Variants in TCF4 observed in about 807,000 individuals in gnomAD.
TCF4 encodes the protein transcription factor 4, also known as SL3-3 enhancer factor 2.
Under a neutral mutation model 82.1 loss-of-function variants are expected in TCF4, and 3 were observed. That is an observed-to-expected ratio of 0.04 (90% CI 0.02 to 0.09). The LOEUF (loss-of-function observed/expected upper bound fraction) is 0.09. TCF4 is among the 10% of genes least tolerant of loss of function. The probability of loss-of-function intolerance (pLI) is 1.00; values close to 1 mark genes in which losing one functional copy is unlikely to be tolerated. For synonymous variants in TCF4, 276 were observed against 309.6 expected (o/e 0.89, Z 1.14); for missense variants, 518 against 852.7 (o/e 0.61, Z 4.89).
intron 8 of TCF4, among the ~76,000 whole-genome samples, chr18:55,311,523 CA>C (rs1568923475): frequency 6.6e-6 from 1 of 152,208 alleles, no homozygotes; most frequent in African/African-American, 2.4e-5. Flanking sequence ...AGTCTGTCAG[CA>C]ACAAATATCC....
chr18:55,427,885 TA>T (rs1603460379), intron 5 of TCF4, among the ~76,000 whole-genome samples: 1 of 152,230 alleles, frequency 6.6e-6, no homozygotes, highest in Admixed American at 6.5e-5. Flanking sequence ...ATTCTAAGAC[TA>T]AATACTTAAC....
intron 8 of TCF4, 64 bp downstream of exon 8, chr18:55,350,295 C>T (rs770041097): frequency 7.1e-5 from 109 of 1,528,498 alleles, no homozygotes; most frequent in Non-Finnish European, 9.6e-5. Flanking sequence ...CTTCTATCTC[C>T]TTCCCATCAA....
At chr18:55,619,504 A>G (rs1056520250) in intron 2 of TCF4, among the ~76,000 whole-genome samples, 2 of 152,106 alleles carry the variant, frequency 1.3e-5, no homozygotes, top group Non-Finnish European at 2.9e-5. Context: ...TACAATGTCT[A>G]ATCTACCATT....
intron 15 of TCF4, among the ~76,000 whole-genome samples, chr18:55,248,528 A>C (rs1488377735): frequency 6.6e-6 from 1 of 152,122 alleles, no homozygotes; most frequent in African/African-American, 2.4e-5. Context: ...CTTTTTGCCA[A>C]ATATTACTGG....
chr18:55,554,623 A>G (rs2097288730), intron 3 of TCF4, among the ~76,000 whole-genome samples: 1 of 152,230 alleles, frequency 6.6e-6, no homozygotes, highest in Non-Finnish European at 1.5e-5. Context: ...GTACTCTGAA[A>G]GTTCAACAGA....
At chr18:55,416,054 G>C (rs1034223640) in intron 5 of TCF4, among the ~76,000 whole-genome samples, 1 of 152,050 alleles carries the variant, frequency 6.6e-6, no homozygotes, top group Non-Finnish European at 1.5e-5. Context: ...TGTCTATTCT[G>C]TGTCTCTATA....
At position 55,485,468 on chromosome 18, in the gene TCF4, C is replaced by G. The variant is rs142019478; in HGVS notation, c.146-21331G>C. Among the ~76,000 whole-genome samples the G allele has an allele frequency of 4.3e-3, 657 of 152,216 alleles. 7 individuals carry two copies. The highest frequency in any genetic ancestry group is 0.015 in the African/African-American group (627 of 41,542). The stretch of plus-strand genomic sequence containing the variant: ...CTGGCCACTCATTTTTGTCTAAGTC[C>G]ACAGAAGCATCATTTTCAGGAAATG... On this transcript the variant is annotated intron_variant, in intron 3 of 19. Transcript: ENST00000354452.
intron 15 of TCF4, among the ~76,000 whole-genome samples, chr18:55,241,402 A>C (rs1334943852): frequency 6.6e-6 from 1 of 152,232 alleles, no homozygotes; most frequent in African/African-American, 2.4e-5. Context: ...CAGGCTAGTA[A>C]GTAGATGGTA....
rs368256559 is a variant in TCF4, at chr18:55,233,969, T to C, written c.1486+579A>G. 4.0e-4 allele frequency among the ~76,000 whole-genome samples: 61 copies of C among 152,208 alleles called. No individual in the cohort carries two copies. The East Asian group carries it at 9.8e-3, about 25-fold the overall frequency. Reference sequence around the variant, plus strand: ...TCCTGTGGCAATGTTATCATTTTTATATTAAATGTGAAGGGACTGAGAAGA... The same window carrying C: ...TCCTGTGGCAATGTTATCATTTTTACATTAAATGTGAAGGGACTGAGAAGA... On this transcript the variant is annotated intron_variant, in intron 16 of 19. Transcript: ENST00000354452.
intron 4 of TCF4, among the ~76,000 whole-genome samples, chr18:55,461,655 AAC>A (rs1404001641): frequency 2.0e-5 from 3 of 152,178 alleles, no homozygotes; most frequent in African/African-American, 7.2e-5. Context: ...ATAAGTAATT[AAC>A]ACATAAGAAA....
chr18:55,401,667 G>C (rs1443944023), intron 6 of TCF4: 1 of 988,076 alleles, frequency 1.0e-6, no homozygotes, highest in Non-Finnish European at 1.2e-6. Context: ...TCTGTGTTCT[G>C]CACATACACA....
intron 15 of TCF4, among the ~76,000 whole-genome samples, chr18:55,236,580 C>T (rs545403796): frequency 2.6e-5 from 4 of 152,152 alleles, no homozygotes; most frequent in South Asian, 4.1e-4. Flanking sequence ...GTAACTCACT[C>T]TCTTATATAT....
At chr18:55,380,602 C>A (rs894286917) in intron 6 of TCF4, among the ~76,000 whole-genome samples, 3 of 152,136 alleles carry the variant, frequency 2.0e-5, no homozygotes, top group African/African-American at 7.2e-5. Context: ...CACAAACAAG[C>A]AGCCCAAAAC....
At chr18:55,444,420 AT>A (rs2095491553) in intron 5 of TCF4, among the ~76,000 whole-genome samples, 1 of 152,200 alleles carries the variant, frequency 6.6e-6, no homozygotes, top group South Asian at 2.1e-4. Flanking sequence ...ACAGCAGAGG[AT>A]GGTGACCGGG....
intron 15 of TCF4, among the ~76,000 whole-genome samples, chr18:55,240,687 C>G (rs2050941984): frequency 6.6e-6 from 1 of 152,162 alleles, no homozygotes. Flanking sequence ...CTAATAACCA[C>G]CTGTTGTGGG....
intron 5 of TCF4, among the ~76,000 whole-genome samples, chr18:55,415,210 C>A (rs925837874): frequency 2.6e-5 from 4 of 152,244 alleles, no homozygotes; most frequent in South Asian, 2.1e-4. Context: ...ACACACATTG[C>A]ATGTTATTTG....
chr18:55,525,450 C>T (rs769697532), intron 3 of TCF4, among the ~76,000 whole-genome samples: 11 of 152,060 alleles, frequency 7.2e-5, no homozygotes, highest in African/African-American at 2.4e-4. Context: ...AAAGTAAATT[C>T]GAGGGCCATA....
chr18:55,286,650 A>G (rs2063756337), intron 8 of TCF4, among the ~76,000 whole-genome samples: 1 of 152,230 alleles, frequency 6.6e-6, no homozygotes, highest in Admixed American at 6.5e-5. Flanking sequence ...ATCATACTCA[A>G]AGGCACAAGA....
At chr18:55,355,372 A>G (rs2083253973) in intron 6 of TCF4, among the ~76,000 whole-genome samples, 1 of 152,202 alleles carries the variant, frequency 6.6e-6, no homozygotes, top group African/African-American at 2.4e-5. Flanking sequence ...ACACTGCTGA[A>G]TAAGATTCCT....
Sources: allele counts gnomAD v4.1 joint callset (sites outside exome capture counted in the v4.1 genomes callset), GRCh38; gene constraint gnomAD v4.1.1; transcripts MANE v1.5; gene names NCBI Gene and HGNC (gene_info 2026-07-23, HGNC 2026-07-21).